The following TTC7A variants were observed in gnomAD, a reference collection of about 807,000 sequenced individuals.
The protein encoded by TTC7A is tetratricopeptide repeat domain 7A.
A neutral mutation model predicts 103.7 loss-of-function variants in TTC7A; 110 were observed. That is an observed-to-expected ratio of 1.06 (90% CI 0.91 to 1.24). TTC7A has a LOEUF of 1.24. TTC7A is among the 50% of genes most tolerant of loss of function. The pLI is 0.00. For synonymous variants in TTC7A, 521 were observed against 467.9 expected (o/e 1.11, Z -1.47); for missense variants, 1,340 against 1,116.3 (o/e 1.20, Z -2.86).
rs6715620 is a variant in TTC7A at position 46,917,393 on chromosome 2, T to C, written c.82+116T>C. ...GGATTAGTTTGATCTAGTTCCTCCT[T>C]CTACCCTGCATCTGCCATTCATCCA... On this transcript the variant is annotated intron_variant, in intron 2 of 20. Coordinates refer to the TTC7A transcript ENST00000409245. 23,139 of 576,110 alleles carry C rather than the reference T, an allele frequency of 0.04. 944 individuals carry two copies. The highest frequency in any genetic ancestry group is 0.12 in the East Asian group (4,026 of 33,492). 35.7% of individuals were successfully genotyped at this position (576,110 alleles called of 1,614,324 possible).
intron 19 of TTC7A, among the ~76,000 whole-genome samples, chr2:47,071,983 AG>A (rs1163211741): frequency 2.0e-5 from 3 of 152,306 alleles, no homozygotes; most frequent in African/African-American, 7.2e-5. Flanking sequence ...CAGAACTCAC[AG>A]GGCTCAAACC....
chr2:47,042,675 AGTGTGTGTGTGT>A (rs10587096), intron 15 of TTC7A, among the ~76,000 whole-genome samples: 23 of 148,398 alleles, frequency 1.5e-4, no homozygotes, highest in Admixed American at 6.7e-4. Flanking sequence ...CTGAGCCCCA[AGTGTGTGTGTGT>A]GTGTGTGTGT....
chr2:46,975,293 A>C (rs933176480), intron 4 of TTC7A, among the ~76,000 whole-genome samples, 190 bp downstream of exon 4: 4 of 152,242 alleles, frequency 2.6e-5, no homozygotes, highest in Admixed American at 1.3e-4. Context: ...GAGACTCTTT[A>C]CTGGAAAATA....
Position 47,011,405 on chromosome 2 carries a change from C to T in TTC7A, c.1362C>T (p.Ala454=), listed in dbSNP as rs1351341629. Residue 454 remains alanine (A), a synonymous_variant, in exon 11 of 20, where the codon GCC becomes GCT. Coordinates refer to ENST00000319190, the MANE Select transcript of TTC7A (RefSeq NM_020458.4). ...CGGACCCCACCGTGCCCCTGATGGC[C>T]GCGAAGGTCTGCATCGGGTCCCTTC... is the stretch of plus-strand genomic sequence containing the variant. The part of the protein sequence containing the change: ...RPSDPTVPLM[A]AKVCIGSLRW... The T allele has an allele frequency of 4.3e-6, 7 of 1,610,214 alleles. No homozygotes were observed. Among genetic ancestry groups the T allele is most frequent in the East Asian group, 2.2e-5 (1 of 44,884 alleles).
At chr2:46,937,484 GT>G (rs1670038954), upstream of TTC7A, among the ~76,000 whole-genome samples, 1 of 152,164 alleles carries the variant, frequency 6.6e-6, no homozygotes, top group African/African-American at 2.4e-5. The surrounding 1 kb of genome is among the most constrained non-coding windows in gnomAD (Gnocchi z 4.0). Context: ...ACTTCGAATT[GT>G]TTTAGGAACA....
chr2:47,018,850 A>C (rs1678978600), intron 11 of TTC7A, among the ~76,000 whole-genome samples: 1 of 152,160 alleles, frequency 6.6e-6, no homozygotes, highest in South Asian at 2.1e-4. Flanking sequence ...AGCACAACAA[A>C]ACAAAGTGAC....
chr2:46,969,845 A>G (rs1392272187), intron 3 of TTC7A, among the ~76,000 whole-genome samples: 1 of 152,170 alleles, frequency 6.6e-6, no homozygotes, highest in East Asian at 1.9e-4. Flanking sequence ...TGGGGTGCAA[A>G]GATCAGTCGG....
At chr2:47,014,221 C>A (rs913626255) in intron 11 of TTC7A, among the ~76,000 whole-genome samples, 2 of 152,078 alleles carry the variant, frequency 1.3e-5, no homozygotes, top group African/African-American at 4.8e-5. Flanking sequence ...GCACTCTGAC[C>A]CCCTCTCCCC....
At chr2:46,958,758 C>G (rs1226209969) in intron 3 of TTC7A, among the ~76,000 whole-genome samples, 1 of 152,166 alleles carries the variant, frequency 6.6e-6, no homozygotes, top group Non-Finnish European at 1.5e-5. Flanking sequence ...ACGTGGCCAC[C>G]AGGGTGTGCA....
intron 18 of TTC7A, among the ~76,000 whole-genome samples, chr2:47,058,951 C>T (rs1307094425): frequency 6.7e-6 from 1 of 150,072 alleles, no homozygotes; most frequent in East Asian, 1.9e-4. Flanking sequence ...GGAGTCCAGC[C>T]CTGGCTTTGC....
rs77721338 is a variant in TTC7A at position 46,976,145 on chromosome 2, G to A, written c.648+1042G>A. On this transcript the variant is annotated intron_variant, in intron 4 of 19. Coordinates refer to ENST00000319190, the MANE Select transcript of TTC7A (RefSeq NM_020458.4). ...GAGATCCTGCTAGCCCTTCTTGAGT[G>A]CCTGCTTTTGTGTCAGACACAGCTC... Among the ~76,000 whole-genome samples the A allele has an allele frequency of 1.1e-4, 16 of 152,358 alleles. No individual in the cohort carries two copies. In the East Asian group the frequency reaches 1.7e-3, roughly 17 times the overall value.
rs1465403495 is a variant in TTC7A, at chr2:47,060,916, T to C, written c.2300T>C (p.Leu767Pro). ...GGCAACCTGGAGGAGGCCAAGCAGC[T>C]GTACAAGGAGGCGCTCACGGTGAAC... ...VKGNLEEAKQLYKEALTVNPD... is the reference protein window; with the variant it reads ...VKGNLEEAKQPYKEALTVNPD... The change falls in exon 19 of 20, where the codon CTG becomes CCG. Residue 767 changes from leucine (L) to proline (P), a missense_variant. Physicochemically the swap from Leu to Pro is moderately conservative, Grantham distance 98. Coordinates refer to ENST00000319190, the MANE Select transcript of TTC7A (RefSeq NM_020458.4). 6.2e-7 allele frequency: 1 copy of C among 1,614,080 alleles called. No individual in the cohort carries two copies. The highest frequency in any genetic ancestry group is 8.5e-7 in the Non-Finnish European group (1 of 1,180,034).
intron 2 of TTC7A, among the ~76,000 whole-genome samples, chr2:46,932,192 C>G (rs552502585): frequency 1.3e-5 from 2 of 151,938 alleles, no homozygotes; most frequent in South Asian, 2.1e-4. Context: ...CTCTGTCACC[C>G]AGGCTGGAGT....
intron 1 of TTC7A, among the ~76,000 whole-genome samples, chr2:46,945,498 T>G (rs1372295956): frequency 6.6e-6 from 1 of 152,248 alleles, no homozygotes; most frequent in East Asian, 1.9e-4. Context: ...TCCAGCCGCC[T>G]CGGCCTCCCG....
At chr2:47,011,546 A>G in intron 11 of TTC7A, 111 bp downstream of exon 11, 5 of 843,182 alleles carry the variant, frequency 5.9e-6, no homozygotes, top group Non-Finnish European at 3.6e-6. Context: ...GGTGGAAAGG[A>G]TGGGAGCTAC....
chr2:46,944,375 T>TTTTTTTG (rs11383097), intron 1 of TTC7A, among the ~76,000 whole-genome samples: 417 of 12,890 alleles, frequency 0.032, 1 homozygote, highest in African/African-American at 0.12. Context: ...GTATTTTGGG[T>TTTTTTTG]TTTTTTTTTT....
intron 8 of TTC7A, among the ~76,000 whole-genome samples, chr2:46,996,126 G>C (rs530413783): frequency 8.5e-5 from 13 of 152,236 alleles, no homozygotes; most frequent in Non-Finnish European, 1.8e-4. Context: ...AGCACTTTGG[G>C]TGCTCAGCAA....
chr2:46,931,692 T>TA (rs370894593), intron 2 of TTC7A, among the ~76,000 whole-genome samples: 6,921 of 148,634 alleles, frequency 0.047, 175 homozygotes, highest in African/African-American at 0.059. Context: ...AAACAGACAA[T>TA]AATAAATAAA....
chr2:46,922,048 G>C (rs544475032), intron 2 of TTC7A, among the ~76,000 whole-genome samples: 54 of 152,202 alleles, frequency 3.5e-4, no homozygotes, highest in African/African-American at 1.2e-3. Flanking sequence ...GGATTTTTTT[G>C]GTTTTATATT....
Sources: gnomAD v4.1 joint callset for allele counts (sites outside exome capture counted in the v4.1 genomes callset) on GRCh38, gnomAD v4.1.1 for gene constraint, Gnocchi (gnomAD v3.1) non-coding constraint, MANE v1.5 for transcripts, NCBI Gene and HGNC (gene_info 2026-07-23, HGNC 2026-07-21) for gene names.